NKIRAS1: variants seen among roughly 807,000 people sequenced by gnomAD.
NKIRAS1 encodes the protein NF-kappa-B inhibitor-interacting Ras-like protein 1.
NKIRAS1 carries 16 observed loss-of-function variants against 19.8 expected under a neutral mutation model. The observed-to-expected ratio is 0.81, with a 90% CI of 0.55 to 1.23. NKIRAS1 has a LOEUF of 1.23. NKIRAS1 is among the 50% of genes most tolerant of loss of function. The pLI is 0.00. For missense variants in NKIRAS1, 184 were observed against 220.0 expected (o/e 0.84, Z 1.04); for synonymous variants, 88 against 79.0 (o/e 1.11, Z -0.61).
chr3:23,895,148 G>T (rs751449249), intron 4 of NKIRAS1, among the ~76,000 whole-genome samples: 2 of 152,080 alleles, frequency 1.3e-5, no homozygotes, highest in African/African-American at 4.8e-5. Context: ...GGGCTCAAGC[G>T]ATCGTGATCC....
At chr3:23,915,596 C>T (rs1306443285) in intron 1 of NKIRAS1, among the ~76,000 whole-genome samples, 1 of 152,142 alleles carries the variant, frequency 6.6e-6, no homozygotes, top group Non-Finnish European at 1.5e-5. Flanking sequence ...CATATGAAGT[C>T]ATCCTTCTGT....
At chr3:23,918,130 G>T, upstream of NKIRAS1, 1 of 1,427,886 alleles carries the variant, frequency 7.0e-7, no homozygotes, top group Non-Finnish European at 9.4e-7. Context: ...GTCTTTCTTC[G>T]CATAGGGCTT....
At chr3:23,945,604 G>T (rs1361900629) in intron 1 of NKIRAS1, 42 of 1,177,346 alleles carry the variant, frequency 3.6e-5, no homozygotes, top group Non-Finnish European at 4.4e-5. Flanking sequence ...GGTAAGAACC[G>T]GACTGCGGCG....
intron 4 of NKIRAS1, among the ~76,000 whole-genome samples, chr3:23,896,448 T>A (rs9821199): frequency 0.75 from 113,471 of 151,274 alleles, 43,125 homozygotes; most frequent in African/African-American, 0.84. Context: ...AACCCTGTCG[T>A]CTAAAAATAC....
chr3:23,939,713 C>G (rs1705458290), intron 1 of NKIRAS1, among the ~76,000 whole-genome samples: 1 of 152,216 alleles, frequency 6.6e-6, no homozygotes, highest in African/African-American at 2.4e-5. Flanking sequence ...CACTGCACTC[C>G]AGTCTGGGTG....
At chr3:23,920,535 TC>T (rs1705019919), upstream of NKIRAS1, 2 of 985,256 alleles carry the variant, frequency 2.0e-6, no homozygotes, top group African/African-American at 1.7e-5. Context: ...CACCATGTCT[TC>T]CAGGAGACTA....
At chr3:23,914,546 G>A (rs1177735788) in intron 1 of NKIRAS1, among the ~76,000 whole-genome samples, 1 of 152,152 alleles carries the variant, frequency 6.6e-6, no homozygotes, top group Non-Finnish European at 1.5e-5. Flanking sequence ...TTTGCACACA[G>A]TATTGCACAA....
rs1418443665 is a variant in NKIRAS1, at chr3:23,890,066, GT to G, written c.*3028del. On this transcript the variant is annotated 3_prime_UTR_variant, in exon 5 of 5. Transcript: ENST00000425478. ...ACCTGGCTCTTTAACCAGCGTAAAGGTTAATAGTGTTGCACTGCAACAGCCC... is the reference window on the plus strand; with the variant it reads ...ACCTGGCTCTTTAACCAGCGTAAAGGTAATAGTGTTGCACTGCAACAGCCC... Among the ~76,000 whole-genome samples the G allele has an allele frequency of 6.6e-6, 1 of 152,114 alleles. No individual in the cohort carries two copies. The highest frequency in any genetic ancestry group is 1.5e-5 in the Non-Finnish European group (1 of 68,026).
At chr3:23,914,093 T>C (rs1257236571) in intron 1 of NKIRAS1, among the ~76,000 whole-genome samples, 1 of 152,068 alleles carries the variant, frequency 6.6e-6, no homozygotes, top group East Asian at 1.9e-4. Context: ...CAGTCTTAAA[T>C]ACTTATTGCT....
intron 3 of NKIRAS1, among the ~76,000 whole-genome samples, chr3:23,904,641 G>C (rs1294317651): frequency 1.4e-5 from 2 of 144,612 alleles, no homozygotes; most frequent in East Asian, 3.9e-4. Flanking sequence ...CAGCAACTAA[G>C]AACAAAGAAG....
At chr3:23,918,551 C>T, upstream of NKIRAS1, 3 of 1,613,936 alleles carry the variant, frequency 1.9e-6, no homozygotes, top group South Asian at 1.1e-5. Context: ...CTAAAGTTTG[C>T]TCGAAGCCTT....
chr3:23,909,163 C>CA (rs1466379536), intron 3 of NKIRAS1, among the ~76,000 whole-genome samples: 4 of 152,156 alleles, frequency 2.6e-5, no homozygotes, highest in Non-Finnish European at 5.9e-5. Context: ...AATTTAACCA[C>CA]AATTGTTAAA....
At chr3:23,902,328 C>T (rs1702602461) in intron 3 of NKIRAS1, among the ~76,000 whole-genome samples, 1 of 152,108 alleles carries the variant, frequency 6.6e-6, no homozygotes, top group South Asian at 2.1e-4. Context: ...CATGGTAATA[C>T]ATAGATTGGA....
chr3:23,890,832 G>A lies in NKIRAS1; in HGVS notation c.*2263C>T, dbSNP rs937742567. ...AATTGTCATTAGTTCTGCAATATTA[G>A]CTGAAATGTAGTACAGAAAAGAATG... On this transcript the variant is annotated 3_prime_UTR_variant, in exon 5 of 5. Transcript: ENST00000425478. 4.9e-6 allele frequency: 2 copies of A among 404,640 alleles called. No individual in the cohort carries two copies. The highest frequency in any genetic ancestry group is 8.7e-6 in the Non-Finnish European group (2 of 228,616). The allele number at this position is 404,640 out of a possible 1,614,324, so 25.1% of individuals were successfully genotyped here. A position where few individuals can be genotyped will look rare whatever the true frequency, so the allele number is the denominator to read the frequency against.
intron 1 of NKIRAS1, among the ~76,000 whole-genome samples, chr3:23,912,253 G>A (rs1703819598): frequency 1.3e-5 from 2 of 152,074 alleles, no homozygotes; most frequent in African/African-American, 2.4e-5. Context: ...AGAGTCAACA[G>A]GCAACCTACA....
chr3:23,896,363 C>G (rs945233344), intron 4 of NKIRAS1, among the ~76,000 whole-genome samples: 7 of 151,982 alleles, frequency 4.6e-5, no homozygotes, highest in Non-Finnish European at 7.4e-5. Context: ...GCCTGTAATC[C>G]CAGCACTTTG....
intron 1 of NKIRAS1, among the ~76,000 whole-genome samples, chr3:23,914,468 T>C (rs115575555): frequency 0.015 from 2,227 of 152,342 alleles, 65 homozygotes; most frequent in African/African-American, 0.051. Flanking sequence ...ACATTATGTA[T>C]AGTGTGGAAT....
Position 23,900,804 on chromosome 3 carries a change from T to G in NKIRAS1, c.336+4A>C. 6 of 1,611,528 alleles carry G rather than the reference T, an allele frequency of 3.7e-6. No individual in the cohort carries two copies. The highest frequency in any genetic ancestry group is 5.1e-6 in the Non-Finnish European group (6 of 1,178,268). ...CATTTGGCATTTTTAACATATCCAC[T>G]TGCCTCTTTTTTGTCTTTGAACTTA... is the stretch of plus-strand genomic sequence containing the variant. On this transcript the variant is annotated splice_donor_region_variant and intron_variant, in intron 4 of 4. Coordinates refer to ENST00000425478, the MANE Select transcript of NKIRAS1 (RefSeq NM_020345.4).
intron 3 of NKIRAS1, among the ~76,000 whole-genome samples, chr3:23,901,829 T>C (rs529688745): frequency 1.3e-5 from 2 of 152,154 alleles, no homozygotes; most frequent in African/African-American, 4.8e-5. Flanking sequence ...TCCCAGCACT[T>C]TGGGAGGCCT....
Sources: allele counts gnomAD v4.1 joint callset (sites outside exome capture counted in the v4.1 genomes callset), GRCh38; gene constraint gnomAD v4.1.1; transcripts MANE v1.5; gene names NCBI Gene and HGNC (gene_info 2026-07-23, HGNC 2026-07-21).